Variants in OXSR1 observed in about 807,000 individuals in gnomAD.
The protein encoded by OXSR1 is serine/threonine-protein kinase OSR1.
OXSR1 carries 24 observed loss-of-function variants against 79.8 expected under a neutral mutation model. The observed-to-expected ratio is 0.30, with a 90% CI of 0.22 to 0.42. OXSR1 has a LOEUF of 0.42. OXSR1 is among the 10% of genes least tolerant of loss of function. The probability of loss-of-function intolerance (pLI) is 1.00; values close to 1 mark genes in which losing one functional copy is unlikely to be tolerated. For synonymous variants in OXSR1, 226 were observed against 209.2 expected, an observed-to-expected ratio of 1.08 and a Z score of -0.69; for missense variants, 430 against 618.4, an observed-to-expected ratio of 0.70 and a Z score of 3.23.
chr3:38,218,752 A>G (rs1468630023), intron 5 of OXSR1, among the ~76,000 whole-genome samples: 1 of 152,172 alleles, frequency 6.6e-6, no homozygotes, highest in Non-Finnish European at 1.5e-5. Flanking sequence ...CGCCAGTGTC[A>G]TGAAGCTTTT....
chr3:38,166,714 C>T (rs1178543564), intron 1 of OXSR1, among the ~76,000 whole-genome samples: 2 of 146,898 alleles, frequency 1.4e-5, no homozygotes, highest in African/African-American at 5.1e-5. Flanking sequence ...TCCTTGAACC[C>T]GGGAGGCGGA....
In OXSR1 at chr3:38,220,304, CCTT is replaced by C. The variant is rs1702563772; in HGVS notation, c.491-1271_491-1269del. On this transcript the variant is annotated intron_variant, in intron 5 of 17. Coordinates refer to ENST00000311806, the MANE Select transcript of OXSR1 (RefSeq NM_005109.3). Reference sequence around the variant, plus strand: ...TTAAAGTTTGCCATGCTAAAATTAGCCTTCTCACAATTGGGTTTTCTGTAATTT... The same window carrying C: ...TTAAAGTTTGCCATGCTAAAATTAGCCTCACAATTGGGTTTTCTGTAATTT... Among the ~76,000 whole-genome samples the C allele has an allele frequency of 5.3e-5, 8 of 152,218 alleles. No homozygotes were observed. In the South Asian group the frequency reaches 1.7e-3, roughly 32 times the overall value.
chr3:38,193,966 T>C (rs1575324095), intron 3 of OXSR1, among the ~76,000 whole-genome samples: 1 of 152,142 alleles, frequency 6.6e-6, no homozygotes, highest in South Asian at 2.1e-4. Flanking sequence ...ACATTTAAAC[T>C]GAGATGAAAC....
chr3:38,246,342 G>GA (rs1703142406), intron 13 of OXSR1, 121 bp downstream of exon 13: 6 of 958,552 alleles, frequency 6.3e-6, no homozygotes, highest in African/African-American at 1.6e-5. Flanking sequence ...AAACAAGTTA[G>GA]AAATTCTGTC....
chr3:38,165,571 A>AGGGGCTGGGGTGGAGGGCGGGACC lies in OXSR1; in HGVS notation c.-305_-304insGGGCTGGGGTGGAGGGCGGGACCG. ...GTGGGGCTGGGGTGGAGGGCGGGAC[A>AGGGGCTGGGGTGGAGGGCGGGACC]GAGGGGCTGGGCCCAGGCAAAGCTT... On this transcript the variant is annotated 5_prime_UTR_variant, in exon 1 of 18. Transcript: ENST00000311806. The AGGGGCTGGGGTGGAGGGCGGGACC allele has an allele frequency of 2.7e-6, 1 of 376,140 alleles. No individual in the cohort carries two copies. The highest frequency in any genetic ancestry group is 4.8e-6 in the Non-Finnish European group (1 of 207,976). 23.3% of individuals were successfully genotyped at this position (376,140 alleles called of 1,614,324 possible).
chr3:38,168,708 A>G (rs1006659417), intron 1 of OXSR1, among the ~76,000 whole-genome samples: 1 of 152,192 alleles, frequency 6.6e-6, no homozygotes, highest in African/African-American at 2.4e-5. Context: ...AATCACAAAT[A>G]TACTTTCTGT....
At chr3:38,200,102 G>A (rs912902499) in intron 4 of OXSR1, among the ~76,000 whole-genome samples, 1 of 152,172 alleles carries the variant, frequency 6.6e-6, no homozygotes, top group East Asian at 1.9e-4. Context: ...TGCATATGGG[G>A]GAGGGGATGA....
At chr3:38,224,548 T>C (rs202087839) in intron 7 of OXSR1, 23 bp from the exon 8 acceptor site, 7 of 1,568,880 alleles carry the variant, frequency 4.5e-6, no homozygotes, top group East Asian at 2.3e-5. Context: ...CACAAGTTTA[T>C]AGTATATTGA....
intron 10 of OXSR1, 97 bp from the exon 11 acceptor site, chr3:38,236,742 T>C (rs758266138): frequency 2.6e-4 from 286 of 1,097,614 alleles, no homozygotes; most frequent in Non-Finnish European, 3.5e-4. Flanking sequence ...ATTATCTACT[T>C]AATGGATTGA....
At chr3:38,164,808 C>G (rs2125793533), upstream of OXSR1, among the ~76,000 whole-genome samples, 1 of 152,280 alleles carries the variant, frequency 6.6e-6, no homozygotes. Flanking sequence ...CCGCCCAGTG[C>G]AGGGTGGACC....
At chr3:38,185,946 CAAAAAAAAAAAAAAAAAAAA>C (rs71085304) in intron 2 of OXSR1, among the ~76,000 whole-genome samples, 1 of 32,094 alleles carries the variant, frequency 3.1e-5, no homozygotes, top group African/African-American at 1.4e-4. Context: ...GGCCCTGTCT[CAAAAAAAAAAAAAAAAAAAA>C]AAAAAAAAAA....
rs143855821 is a variant in OXSR1, at chr3:38,173,044, G to A, written c.70+7098G>A. 2.5e-3 allele frequency among the ~76,000 whole-genome samples: 386 copies of A among 152,316 alleles called. 6 individuals carry two copies. Among genetic ancestry groups the A allele is most frequent in the Admixed American group, 0.022 (342 of 15,296 alleles). On this transcript the variant is annotated intron_variant, in intron 1 of 17. Transcript: ENST00000311806. ...AAAAGGACAAAGACACATGACAGCTGAGTTGGTTCTCTTTTAAAAGGCTTT... is the reference window on the plus strand; with the variant it reads ...AAAAGGACAAAGACACATGACAGCTAAGTTGGTTCTCTTTTAAAAGGCTTT...
intron 2 of OXSR1, among the ~76,000 whole-genome samples, chr3:38,183,689 A>AG (rs1701828891): frequency 6.6e-6 from 1 of 152,156 alleles, no homozygotes; most frequent in South Asian, 2.1e-4. Context: ...AATGACCCCC[A>AG]GGCAGCATTA....
intron 13 of OXSR1, among the ~76,000 whole-genome samples, chr3:38,246,977 T>C (rs1282358706): frequency 6.6e-6 from 1 of 152,130 alleles, no homozygotes; most frequent in Non-Finnish European, 1.5e-5. Context: ...TTTTTTTTCT[T>C]TTGCACCCCA....
In OXSR1 at chr3:38,228,706, G is replaced by A. The variant is rs998657734; in HGVS notation, c.837-981G>A. On this transcript the variant is annotated intron_variant, in intron 8 of 17. Coordinates refer to ENST00000311806, the MANE Select transcript of OXSR1 (RefSeq NM_005109.3). The stretch of plus-strand genomic sequence containing the variant: ...CTGCCTCAGCCTCCCAAGTAGCTGG[G>A]ACTACAGGCGCACGCCACCATGCCC... Among the ~76,000 whole-genome samples the A allele has an allele frequency of 3.3e-5, 5 of 152,240 alleles. No individual in the cohort carries two copies. The South Asian group carries it at 1.0e-3, about 32-fold the overall frequency.
chr3:38,182,638 T>C (rs1047725732), intron 1 of OXSR1, among the ~76,000 whole-genome samples: 1 of 152,236 alleles, frequency 6.6e-6, no homozygotes, highest in African/African-American at 2.4e-5. Flanking sequence ...TTGAGATCCC[T>C]AACTAGTCTA....
chr3:38,231,170 C>T (rs1205567673), intron 10 of OXSR1, among the ~76,000 whole-genome samples: 2 of 152,152 alleles, frequency 1.3e-5, no homozygotes, highest in Non-Finnish European at 2.9e-5. Flanking sequence ...AATTTTGATA[C>T]ATTCCAAGAA....
At chr3:38,190,604 A>G (rs1701965027) in intron 2 of OXSR1, 127 bp from the exon 3 acceptor site, 2 of 613,960 alleles carry the variant, frequency 3.3e-6, no homozygotes, top group African/African-American at 1.9e-5. Context: ...TCTTGAAGAA[A>G]TCAGAGCCAT....
chr3:38,169,531 C>T (rs1331742673), intron 1 of OXSR1, among the ~76,000 whole-genome samples: 1 of 152,012 alleles, frequency 6.6e-6, no homozygotes, highest in Admixed American at 6.6e-5. Flanking sequence ...GTCTCAAACT[C>T]CTGACCTCAG....
Sources: allele counts gnomAD v4.1 joint callset (sites outside exome capture counted in the v4.1 genomes callset), GRCh38; gene constraint gnomAD v4.1.1; transcripts MANE v1.5; gene names NCBI Gene and HGNC (gene_info 2026-07-23, HGNC 2026-07-21).